Variants in SLC2A14 observed in about 807,000 individuals in gnomAD.
SLC2A14 encodes solute carrier family 2, facilitated glucose transporter member 14.
Under a neutral mutation model 43.0 loss-of-function variants are expected in SLC2A14, and 13 were observed. The observed-to-expected ratio is 0.30, with a 90% CI of 0.20 to 0.48. The LOEUF is 0.48. SLC2A14 is among the 20% of genes least tolerant of loss of function. SLC2A14 has a pLI of 0.99. For synonymous variants in SLC2A14, 190 were observed against 233.8 expected (o/e 0.81, Z 1.71); for missense variants, 428 against 620.4 (o/e 0.69, Z 3.29).
chr12:7,832,965 G>A lies in SLC2A14; in HGVS notation c.19-151C>T, dbSNP rs765874254. On this transcript the variant is annotated intron_variant, in intron 2 of 10. Transcript: ENST00000431042. ...TCAAACGAGATTTAGGTAATTAATC[G>A]GGAAGACAAAGTAATAGATTATACT... The A allele has an allele frequency of 3.1e-4, 206 of 672,098 alleles. No homozygotes were observed. The African/African-American group carries it at 3.3e-3, about 11-fold the overall frequency. 41.6% of individuals were successfully genotyped at this position (672,098 alleles called of 1,614,324 possible).
At chr12:7,869,549 G>A (rs746526542) in intron 2 of SLC2A14, among the ~76,000 whole-genome samples, 1 of 152,186 alleles carries the variant, frequency 6.6e-6, no homozygotes, top group Admixed American at 6.5e-5. Context: ...GGAAATTCCC[G>A]CAAAACCAGT....
chr12:7,889,056 T>C (rs1328762767), intron 1 of SLC2A14, among the ~76,000 whole-genome samples: 1 of 151,984 alleles, frequency 6.6e-6, no homozygotes, highest in African/African-American at 2.4e-5. Context: ...CAGTGCCTCA[T>C]GCATATTAAT....
chr12:7,857,326 C>T (rs990094764), intron 2 of SLC2A14, among the ~76,000 whole-genome samples: 7 of 151,940 alleles, frequency 4.6e-5, no homozygotes, highest in East Asian at 1.9e-4. Flanking sequence ...CGGTGGCTCA[C>T]GCCTGTAATC....
chr12:7,880,296 G>A (rs1238162670), intron 1 of SLC2A14, among the ~76,000 whole-genome samples: 9 of 151,470 alleles, frequency 5.9e-5, no homozygotes, highest in Non-Finnish European at 1.2e-4. Flanking sequence ...GCAAAACTCC[G>A]TCTCAAAAAT....
intron 2 of SLC2A14, among the ~76,000 whole-genome samples, chr12:7,850,378 G>A (rs1378775833): frequency 6.6e-6 from 1 of 152,114 alleles, no homozygotes; most frequent in Admixed American, 6.5e-5. Flanking sequence ...CCTCAGGTGA[G>A]GAATGAACTA....
chr12:7,848,556 ATTTT>A (rs35632480), intron 2 of SLC2A14, among the ~76,000 whole-genome samples: 4 of 135,722 alleles, frequency 2.9e-5, no homozygotes, highest in Admixed American at 7.4e-5. Context: ...TTCCAATTCC[ATTTT>A]TTTTTTTTTT....
chr12:7,875,929 T>C (rs143596351), upstream of SLC2A14, among the ~76,000 whole-genome samples: 2,773 of 151,632 alleles, frequency 0.018, 36 homozygotes, highest in Admixed American at 0.029. Flanking sequence ...TGAGCTGAGA[T>C]CGTGCCACTA....
intron 7 of SLC2A14, among the ~76,000 whole-genome samples, chr12:7,825,838 G>T (rs1026635630): frequency 3.3e-5 from 5 of 151,970 alleles, no homozygotes; most frequent in Non-Finnish European, 4.4e-5. Context: ...AGTGGGAGGA[G>T]TCTGTTCCTC....
chr12:7,865,780 G>C (rs888824191), intron 2 of SLC2A14, among the ~76,000 whole-genome samples: 11 of 152,074 alleles, frequency 7.2e-5, no homozygotes, highest in African/African-American at 2.7e-4. Flanking sequence ...AGCTAGAAAT[G>C]ATTAAGATTA....
intron 2 of SLC2A14, among the ~76,000 whole-genome samples, chr12:7,862,792 T>G (rs1300638388): frequency 2.0e-5 from 3 of 152,110 alleles, no homozygotes; most frequent in African/African-American, 4.8e-5. Flanking sequence ...GTGCACCAAT[T>G]GACACTCTTT....
At chr12:7,881,312 G>T (rs746296034) in intron 1 of SLC2A14, among the ~76,000 whole-genome samples, 19 of 152,044 alleles carry the variant, frequency 1.2e-4, no homozygotes, top group African/African-American at 4.3e-4. Flanking sequence ...GCTGCGCGCG[G>T]TGCTTGCGGG....
rs1179551066 is a variant in SLC2A14 at position 7,829,963 on chromosome 12, C to A, written c.316G>T (p.Gly106Cys). The change falls in exon 5 of 11, where the codon GGC becomes TGC. Residue 106 changes from glycine to cysteine, a missense_variant. Gly to Cys is a radical substitution (Grantham distance 159). Coordinates refer to ENST00000431042, the MANE Select transcript of SLC2A14 (RefSeq NM_001286234.2). ...LIVNLLAATG[G>C]CLMGLCKIAE... ...ATTTTACACAGTCCCATAAGGCAGC[C>A]ACCAGTGGCAGCCAACAGGTTGACA... 1.2e-6 allele frequency: 2 copies of A among 1,614,060 alleles called. No individual in the cohort carries two copies. Among genetic ancestry groups the A allele is most frequent in the Non-Finnish European group, 1.7e-6 (2 of 1,180,034 alleles).
At chr12:7,871,241 C>T in intron 1 of SLC2A14, 2 of 1,220,876 alleles carry the variant, frequency 1.6e-6, no homozygotes, top group Admixed American at 3.1e-5. Context: ...CTGCTCACCA[C>T]CATGGGTGAC....
chr12:7,867,578 G>A (rs11614408), intron 2 of SLC2A14, among the ~76,000 whole-genome samples: 10,554 of 152,038 alleles, frequency 0.069, 444 homozygotes, highest in African/African-American at 0.1. Flanking sequence ...TGGGCTCAGT[G>A]GCTCACACCT....
At chr12:7,882,246 G>A (rs1945592693) in intron 1 of SLC2A14, among the ~76,000 whole-genome samples, 1 of 147,002 alleles carries the variant, frequency 6.8e-6, no homozygotes, top group Non-Finnish European at 1.5e-5. Context: ...AACGATTCCA[G>A]ACGGGTTGCC....
At chr12:7,873,501 C>T (rs1219107015), upstream of SLC2A14, 4 of 270,684 alleles carry the variant, frequency 1.5e-5, no homozygotes, top group Non-Finnish European at 2.3e-5. Flanking sequence ...AATTAGGGGG[C>T]TTGGCGGTGC....
chr12:7,863,502 C>T, intron 2 of SLC2A14: 1 of 427,286 alleles, frequency 2.3e-6, no homozygotes, highest in Non-Finnish European at 4.7e-6. Context: ...TGGTGCATGC[C>T]TGTAGTCCCA....
At chr12:7,881,991 T>C (rs898672713) in intron 1 of SLC2A14, among the ~76,000 whole-genome samples, 17 of 152,086 alleles carry the variant, frequency 1.1e-4, no homozygotes, top group Non-Finnish European at 2.2e-4. Context: ...CACTGGGCTC[T>C]ACCAATCAGC....
At chr12:7,890,402 A>G (rs1945754135) in intron 1 of SLC2A14, among the ~76,000 whole-genome samples, 1 of 152,110 alleles carries the variant, frequency 6.6e-6, no homozygotes, top group African/African-American at 2.4e-5. Context: ...AGATCACTGA[A>G]GATCGTCCAG....
Sources: gnomAD v4.1 joint callset for allele counts (sites outside exome capture counted in the v4.1 genomes callset) on GRCh38, gnomAD v4.1.1 for gene constraint, MANE v1.5 for transcripts, NCBI Gene and HGNC (gene_info 2026-07-23, HGNC 2026-07-21) for gene names.